CRYM: variants seen among roughly 807,000 people sequenced by gnomAD.
CRYM encodes the protein crystallin mu, also known as ketimine reductase mu-crystallin.
In CRYM, 18 loss-of-function variants were observed where a neutral mutation model predicts 32.9. That is an observed-to-expected ratio of 0.55 (90% CI 0.38 to 0.81). The LOEUF (loss-of-function observed/expected upper bound fraction) is 0.81. Among genes scored for constraint, CRYM ranks in the 30% least tolerant of loss-of-function variants. CRYM has a pLI of 0.00. For missense variants in CRYM, 337 were observed against 393.5 expected, an observed-to-expected ratio of 0.86 and a Z score of 1.21; for synonymous variants, 153 against 152.4, an observed-to-expected ratio of 1.00 and a Z score of -0.03.
At chr16:21,263,544 C>G (rs1307843824) in intron 5 of CRYM, among the ~76,000 whole-genome samples, 1 of 152,140 alleles carries the variant, frequency 6.6e-6, no homozygotes. Context: ...TCTCTCTTAA[C>G]TCATGACAAA....
chr16:21,302,706 C>T (rs1374423259), intron 1 of CRYM, among the ~76,000 whole-genome samples: 1 of 152,168 alleles, frequency 6.6e-6, no homozygotes, highest in East Asian at 1.9e-4. Context: ...TAGGCTCCTA[C>T]CCTCCCACAG....
chr16:21,266,527 C>T (rs2093364053), intron 5 of CRYM, among the ~76,000 whole-genome samples: 1 of 152,160 alleles, frequency 6.6e-6, no homozygotes, highest in Admixed American at 6.5e-5. Flanking sequence ...GCCCCCTCTC[C>T]TGCCCCTCAT....
intron 3 of CRYM, among the ~76,000 whole-genome samples, chr16:21,273,861 G>A (rs2093380910): frequency 6.6e-6 from 1 of 152,204 alleles, no homozygotes; most frequent in Non-Finnish European, 1.5e-5. Flanking sequence ...CAAATTACCA[G>A]CAAACATAGC....
At chr16:21,297,281 C>G (rs951934302) in intron 1 of CRYM, among the ~76,000 whole-genome samples, 6 of 152,050 alleles carry the variant, frequency 3.9e-5, no homozygotes, top group African/African-American at 1.4e-4. Context: ...GTAATCCAAG[C>G]TACTCGGGAG....
At chr16:21,287,392 C>T (rs1254356488) in intron 1 of CRYM, among the ~76,000 whole-genome samples, 1 of 152,152 alleles carries the variant, frequency 6.6e-6, no homozygotes, top group Non-Finnish European at 1.5e-5. Context: ...GCACAGAGCT[C>T]CCACAGTCCT....
chr16:21,292,757 A>AT (rs1960692309), intron 1 of CRYM, among the ~76,000 whole-genome samples: 1 of 152,130 alleles, frequency 6.6e-6, no homozygotes, highest in South Asian at 2.1e-4. Flanking sequence ...AGATAGATAG[A>AT]ATAAGATACA....
intron 1 of CRYM, among the ~76,000 whole-genome samples, chr16:21,291,273 C>G (rs1960648578): frequency 1.3e-5 from 2 of 152,056 alleles, no homozygotes; most frequent in South Asian, 4.1e-4. Context: ...CTATGATATC[C>G]AAGAGGTGAA....
upstream of CRYM, chr16:21,278,728 A>AT (rs561399221): frequency 1.2e-4 from 20 of 169,812 alleles, no homozygotes; most frequent in East Asian, 3.6e-4. Flanking sequence ...GGCTTATTTA[A>AT]TTTTTTTTTC....
rs771337760 is a variant in CRYM, at chr16:21,258,743, T to C, written c.*38A>G. ...GAAATTATGAGAACCAGCAGCAATATTCCTCAAGCATCCATCTCAACATCA... is the reference window on the plus strand; with the variant it reads ...GAAATTATGAGAACCAGCAGCAATACTCCTCAAGCATCCATCTCAACATCA... On this transcript the variant is annotated 3_prime_UTR_variant, in exon 8 of 8. Transcript: ENST00000572914. 1 of 1,554,116 alleles carries C rather than the reference T, an allele frequency of 6.4e-7. No homozygotes were observed. The highest frequency in any genetic ancestry group is 8.9e-7 in the Non-Finnish European group (1 of 1,125,750).
chr16:21,290,561 C>G (rs1213153906), intron 1 of CRYM, among the ~76,000 whole-genome samples: 1 of 152,208 alleles, frequency 6.6e-6, no homozygotes, highest in Non-Finnish European at 1.5e-5. Context: ...GGAACCAATT[C>G]TGGCCACAAA....
intron 2 of CRYM, among the ~76,000 whole-genome samples, chr16:21,276,434 C>T (rs1196931730): frequency 6.6e-6 from 1 of 152,090 alleles, no homozygotes; most frequent in Non-Finnish European, 1.5e-5. Context: ...ATTTGGCGAT[C>T]CAGAAATTCA....
intron 1 of CRYM, among the ~76,000 whole-genome samples, chr16:21,295,699 G>A (rs1194983027): frequency 1.3e-5 from 2 of 152,166 alleles, no homozygotes; most frequent in Admixed American, 6.6e-5. Flanking sequence ...TTGGGAGGCC[G>A]AGGTGGGCAG....
chr16:21,280,099 C>A (rs1597623048), upstream of CRYM, among the ~76,000 whole-genome samples: 1 of 152,116 alleles, frequency 6.6e-6, no homozygotes, highest in Non-Finnish European at 1.5e-5. Context: ...AGACATATAG[C>A]CCTGGCATGA....
intron 3 of CRYM, 74 bp from the exon 4 acceptor site, chr16:21,269,965 G>C: frequency 9.9e-7 from 1 of 1,011,700 alleles, no homozygotes; most frequent in Non-Finnish European, 1.6e-6. Flanking sequence ...GATGGTTTGA[G>C]TATCAGGTGA....
At chr16:21,281,752 G>C (rs1198528103), upstream of CRYM, among the ~76,000 whole-genome samples, 1 of 152,120 alleles carries the variant, frequency 6.6e-6, no homozygotes, top group Non-Finnish European at 1.5e-5. Context: ...TGACGTATCA[G>C]GCTGAATTGT....
intron 1 of CRYM, among the ~76,000 whole-genome samples, chr16:21,295,101 C>T (rs1249174330): frequency 6.6e-6 from 1 of 152,174 alleles, no homozygotes; most frequent in African/African-American, 2.4e-5. Flanking sequence ...CACGTCTTTG[C>T]TATTGCAAAT....
chr16:21,285,316 TAA>T (rs1373818693), intron 1 of CRYM, among the ~76,000 whole-genome samples: 22 of 152,354 alleles, frequency 1.4e-4, no homozygotes, highest in Admixed American at 1.0e-3. Flanking sequence ...ATTAGACTTT[TAA>T]AAGTCTTGAG....
intron 1 of CRYM, among the ~76,000 whole-genome samples, chr16:21,289,732 G>C (rs1408410353): frequency 6.6e-6 from 1 of 152,210 alleles, no homozygotes; most frequent in East Asian, 2.0e-4. Flanking sequence ...TGGCACAGGT[G>C]CCCGGCTTTT....
intron 3 of CRYM, among the ~76,000 whole-genome samples, chr16:21,271,469 T>A (rs1401117210): frequency 6.6e-6 from 1 of 152,364 alleles, no homozygotes; most frequent in Non-Finnish European, 1.5e-5. Flanking sequence ...AAAGTCTTCT[T>A]AACTACTAAT....
Sources: gnomAD v4.1 joint callset for allele counts (sites outside exome capture counted in the v4.1 genomes callset) on GRCh38, gnomAD v4.1.1 for gene constraint, MANE v1.5 for transcripts, NCBI Gene and HGNC (gene_info 2026-07-23, HGNC 2026-07-21) for gene names.